NDST3: variants seen among roughly 807,000 people sequenced by gnomAD.
NDST3 encodes N-deacetylase and N-sulfotransferase 3, also known as bifunctional heparan sulfate N-deacetylase/N-sulfotransferase 3.
NDST3 carries 58 observed loss-of-function variants against 96.1 expected under a neutral mutation model. That is an observed-to-expected ratio of 0.60 (90% CI 0.49 to 0.75). NDST3 has a LOEUF of 0.75. Among genes scored for constraint, NDST3 ranks in the 30% least tolerant of loss-of-function variants. The pLI, the probability that NDST3 is intolerant of heterozygous loss-of-function variation, is 0.00. For synonymous variants in NDST3, 333 were observed against 359.7 expected (o/e 0.93, Z 0.84); for missense variants, 788 against 1,034.2 (o/e 0.76, Z 3.27).
chr4:118,084,584 T>C (rs1728273641), intron 2 of NDST3, among the ~76,000 whole-genome samples: 1 of 152,154 alleles, frequency 6.6e-6, no homozygotes, highest in Non-Finnish European at 1.5e-5. Flanking sequence ...TGTTCTGTCA[T>C]ATGTTGGTTT....
At chr4:118,145,408 ATT>A (rs1733868832) in intron 6 of NDST3, among the ~76,000 whole-genome samples, 1 of 152,220 alleles carries the variant, frequency 6.6e-6, no homozygotes, top group Non-Finnish European at 1.5e-5. Context: ...TCACAGTAGG[ATT>A]TTATCTCCGA....
At chr4:118,210,849 TACCAAAGGA>T (rs1401435180) in intron 6 of NDST3, among the ~76,000 whole-genome samples, 1 of 151,544 alleles carries the variant, frequency 6.6e-6, no homozygotes, top group Non-Finnish European at 1.5e-5. Flanking sequence ...AGTCACTGGC[TACCAAAGGA>T]AGTTGTACTG....
intron 2 of NDST3, among the ~76,000 whole-genome samples, chr4:118,058,263 A>G (rs1263086157): frequency 6.6e-6 from 1 of 151,888 alleles, no homozygotes; most frequent in African/African-American, 2.4e-5. Context: ...TCTTATGTGG[A>G]ATAGAAAATG....
chr4:118,052,852 A>G (rs894262255), intron 1 of NDST3, among the ~76,000 whole-genome samples: 3 of 152,064 alleles, frequency 2.0e-5, no homozygotes, highest in African/African-American at 7.2e-5. Context: ...CAAAGTTACT[A>G]AATTTTCAAA....
At chr4:118,088,773 T>C (rs1394679348) in intron 2 of NDST3, among the ~76,000 whole-genome samples, 2 of 152,014 alleles carry the variant, frequency 1.3e-5, no homozygotes, top group African/African-American at 4.8e-5. Flanking sequence ...AACAGAAAAA[T>C]TAAGAACAAG....
chr4:118,148,142 C>CA (rs796522942), intron 6 of NDST3, among the ~76,000 whole-genome samples: 1 of 152,116 alleles, frequency 6.6e-6, no homozygotes, highest in East Asian at 1.9e-4. Flanking sequence ...ACTAAAAATA[C>CA]AAAAAATTAG....
At chr4:118,051,252 C>A (rs1725058620) in intron 1 of NDST3, among the ~76,000 whole-genome samples, 2 of 151,948 alleles carry the variant, frequency 1.3e-5, no homozygotes, top group Admixed American at 6.6e-5. Context: ...TAATCCTAAG[C>A]AAATTAAGTA....
intron 6 of NDST3, among the ~76,000 whole-genome samples, chr4:118,174,554 G>A (rs1339788135): frequency 6.6e-6 from 1 of 152,124 alleles, no homozygotes; most frequent in East Asian, 1.9e-4. Context: ...TGCCCAGCAT[G>A]ATCTTAAAGC....
chr4:118,201,771 C>T (rs1009288320), intron 6 of NDST3, among the ~76,000 whole-genome samples: 9 of 152,050 alleles, frequency 5.9e-5, no homozygotes, highest in African/African-American at 2.2e-4. Flanking sequence ...TTTTGTTGTG[C>T]AGAAGCTTTT....
chr4:118,179,153 G>T (rs1736445143), intron 6 of NDST3, among the ~76,000 whole-genome samples: 1 of 151,890 alleles, frequency 6.6e-6, no homozygotes. Context: ...CCTGACCTTT[G>T]CCCTGGGGGG....
chr4:118,195,761 G>C (rs1208280409), intron 6 of NDST3, among the ~76,000 whole-genome samples: 1 of 152,140 alleles, frequency 6.6e-6, no homozygotes, highest in Non-Finnish European at 1.5e-5. Context: ...TGGCGTCTTT[G>C]GGTTTTCCCA....
intron 1 of NDST3, among the ~76,000 whole-genome samples, chr4:118,041,305 A>C (rs1578523550): frequency 6.6e-6 from 1 of 152,178 alleles, no homozygotes; most frequent in African/African-American, 2.4e-5. Context: ...TAAAGGGTCC[A>C]ACACAATTTC....
At chr4:118,084,147 T>C (rs139053842) in intron 2 of NDST3, among the ~76,000 whole-genome samples, 153 of 152,260 alleles carry the variant, frequency 1.0e-3, no homozygotes, top group South Asian at 5.2e-3. Context: ...ATGTACCACA[T>C]GAGAACTACA....
At position 118,138,207 on chromosome 4, in the gene NDST3, T is replaced by C. The variant is rs770959774; in HGVS notation, c.1378T>C (p.Tyr460His). 1.2e-6 allele frequency: 2 copies of C among 1,613,834 alleles called. No homozygotes were observed. The highest frequency in any genetic ancestry group is 1.7e-6 in the Non-Finnish European group (2 of 1,179,904). The change falls in exon 5 of 14, where the codon TAC (tyrosine) becomes CAC (histidine). Residue 460 changes from tyrosine to histidine, a missense_variant. Coordinates refer to ENST00000296499, the MANE Select transcript of NDST3 (RefSeq NM_004784.3). ...ATATCCACATCTGAAGCCAGCTAGA[T>C]ACCGGAGGGGTTTTATCCACAAAAA... is the stretch of plus-strand genomic sequence containing the variant. ...EEYPHLKPAR[Y>H]RRGFIHKNIM...
At chr4:118,218,208 C>A (rs1359900361) in intron 6 of NDST3, among the ~76,000 whole-genome samples, 1 of 152,038 alleles carries the variant, frequency 6.6e-6, no homozygotes, top group African/African-American at 2.4e-5. Flanking sequence ...CAGCATCATC[C>A]CGATACCAAA....
rs1272112741 is a variant in NDST3, at chr4:118,143,514, A to G, written c.1411-42A>G. On this transcript the variant is annotated intron_variant, in intron 5 of 13. Coordinates refer to ENST00000296499, the MANE Select transcript of NDST3 (RefSeq NM_004784.3). ...AGCTAAGTTTCAACAAATTGATTGG[A>G]AAAAAAAAAGCTTTTCCTTACTTTT... 3 of 1,538,154 alleles carry G rather than the reference A, an allele frequency of 2.0e-6. No homozygotes were observed. In the African/African-American group the frequency reaches 4.3e-5, roughly 22 times the overall value.
intron 6 of NDST3, among the ~76,000 whole-genome samples, chr4:118,176,927 G>C (rs1408750413): frequency 2.6e-5 from 4 of 151,896 alleles, no homozygotes; most frequent in Non-Finnish European, 5.9e-5. Context: ...TCAAGGAGAA[G>C]GTAGATTTAA....
chr4:118,170,538 G>C (rs1735870091), intron 6 of NDST3, among the ~76,000 whole-genome samples: 1 of 152,132 alleles, frequency 6.6e-6, no homozygotes. Context: ...GACCAGCCTG[G>C]CCAATATGGT....
At chr4:118,196,530 T>C (rs1189972830) in intron 6 of NDST3, among the ~76,000 whole-genome samples, 3 of 152,186 alleles carry the variant, frequency 2.0e-5, no homozygotes, top group African/African-American at 7.2e-5. Context: ...TGTTACTTGT[T>C]ATTGGTCTGT....
Sources: gnomAD v4.1 joint callset for allele counts (sites outside exome capture counted in the v4.1 genomes callset) on GRCh38, gnomAD v4.1.1 for gene constraint, MANE v1.5 for transcripts, NCBI Gene and HGNC (gene_info 2026-07-23, HGNC 2026-07-21) for gene names.